The following ABCA10 variants were observed in gnomAD, a reference collection of about 807,000 sequenced individuals.
ABCA10 encodes ATP binding cassette subfamily A member 10.
A neutral mutation model predicts 187.5 loss-of-function variants in ABCA10; 169 were observed. That is an observed-to-expected ratio of 0.90 (90% confidence interval 0.80 to 1.02). ABCA10 has a LOEUF of 1.02. Ranked by LOEUF, ABCA10 falls within the 50% of genes least tolerant of loss-of-function variation. The pLI is 0.00. For missense variants in ABCA10, 1,727 were observed against 1,812.4 expected (o/e 0.95, Z 0.86); for synonymous variants, 574 against 601.8 (o/e 0.95, Z 0.68).
At chr17:69,165,119 G>A in intron 25 of ABCA10, 36 bp from the exon 26 acceptor site, 1 of 1,457,882 alleles carries the variant, frequency 6.9e-7, no homozygotes, top group Non-Finnish European at 9.5e-7. Context: ...AATTTTCTCA[G>A]TTATATTTGA....
At chr17:69,234,997 T>C (rs563959528) in intron 1 of ABCA10, 1 of 152,310 alleles carries the variant, frequency 6.6e-6, no homozygotes, top group Admixed American at 6.5e-5. Context: ...AGGAAAAAAA[T>C]TAACTAATTT....
chr17:69,238,049 C>A (rs760906010), intron 1 of ABCA10, among the ~76,000 whole-genome samples: 2 of 151,938 alleles, frequency 1.3e-5, no homozygotes, highest in Admixed American at 6.6e-5. Context: ...GTAATCCCAG[C>A]TACTCGGGAG....
In ABCA10 at chr17:69,194,494, G is replaced by A. The variant is rs371254804; in HGVS notation, c.1236C>T (p.Gly412=). Reference sequence around the variant, plus strand: ...GTCCTTCATATATGTCAAAAAATATGCCTGTTTTAGAATAAAAAGTGGAAA... The same window carrying A: ...GTCCTTCATATATGTCAAAAAATATACCTGTTTTAGAATAAAAAGTGGAAA... The part of the protein sequence containing the change: ...GKTGKVEALQ[G]IFFDIYEGQI... The change falls in exon 12 of 39, where the codon GGC becomes GGT. Residue 412 remains glycine (G), a splice_region_variant and synonymous_variant. Coordinates refer to ENST00000690296, the MANE Select transcript of ABCA10 (RefSeq NM_001377321.1). 3.0e-5 allele frequency: 47 copies of A among 1,593,204 alleles called. No homozygotes were observed. Among genetic ancestry groups the A allele is most frequent in the Non-Finnish European group, 3.9e-5 (46 of 1,168,950 alleles).
At chr17:69,201,017 AT>A (rs2074539714) in intron 10 of ABCA10, among the ~76,000 whole-genome samples, 1 of 152,186 alleles carries the variant, frequency 6.6e-6, no homozygotes, top group African/African-American at 2.4e-5. Context: ...CTGGCCATAT[AT>A]TCTTAGAAAT....
At chr17:69,153,436 T>C (rs2074146262) in intron 33 of ABCA10, 35 bp downstream of exon 33, 4 of 1,613,684 alleles carry the variant, frequency 2.5e-6, no homozygotes, top group Non-Finnish European at 3.4e-6. Flanking sequence ...CACCCAGCCA[T>C]GGGTGCACAG....
At chr17:69,189,122 T>C (rs1392761795) in intron 18 of ABCA10, among the ~76,000 whole-genome samples, 2 of 152,216 alleles carry the variant, frequency 1.3e-5, no homozygotes, top group Non-Finnish European at 2.9e-5. Context: ...CTTTCTGCAG[T>C]GGCTGAACTA....
At chr17:69,194,342 C>A in intron 12 of ABCA10, 43 bp downstream of exon 12, 1 of 1,510,192 alleles carries the variant, frequency 6.6e-7, no homozygotes, top group Non-Finnish European at 9.2e-7. Flanking sequence ...CAATTTACAA[C>A]TTGCTTTTTC....
intron 16 of ABCA10, 145 bp downstream of exon 16, chr17:69,192,418 A>T: frequency 4.8e-6 from 3 of 623,250 alleles, no homozygotes; most frequent in Non-Finnish European, 8.1e-6. Context: ...GGAAATGTTA[A>T]TGAGGAAGAC....
At chr17:69,151,928 T>G in intron 36 of ABCA10, 115 bp downstream of exon 36, 2 of 1,443,908 alleles carry the variant, frequency 1.4e-6, no homozygotes, top group Non-Finnish European at 1.9e-6. Context: ...CAGGTTGTTT[T>G]GTGATGAATA....
At chr17:69,156,993 C>A in intron 27 of ABCA10, 70 bp from the exon 28 acceptor site, 2 of 933,824 alleles carry the variant, frequency 2.1e-6, no homozygotes, top group South Asian at 2.2e-5. Flanking sequence ...AATATTTGTC[C>A]ATTTTTTTGT....
At chr17:69,175,353 A>C (rs1344424129) in intron 23 of ABCA10, 53 bp downstream of exon 23, 1 of 1,484,228 alleles carries the variant, frequency 6.7e-7, no homozygotes, top group African/African-American at 1.4e-5. Flanking sequence ...AATTGCAATT[A>C]CTACAGTCAA....
In ABCA10 at chr17:69,185,557, A is replaced by C. The variant is rs2144794489; in HGVS notation, c.2417T>G (p.Phe806Cys). The C allele has an allele frequency of 6.2e-7, 1 of 1,613,304 alleles. No homozygotes were observed. Among genetic ancestry groups the C allele is most frequent in the South Asian group, 1.1e-5 (1 of 90,996 alleles). ...AGAAAGGAAATACATACTGGGTGAA[A>C]ACTCCCAACAATGAGTTTCACGAGT... ...KVTRETHCWE[F>C]SPSMYFLSLE... is the part of the protein sequence containing the mutation. Residue 806 changes from phenylalanine (F) to cysteine (C), a missense_variant, in exon 20 of 39, where the codon TTT becomes TGT. Phe to Cys is a radical substitution (Grantham distance 205). Coordinates refer to ENST00000690296, the MANE Select transcript of ABCA10 (RefSeq NM_001377321.1).
chr17:69,192,435 A>G (rs8070232), intron 16 of ABCA10, 128 bp downstream of exon 16: 611,988 of 701,770 alleles, frequency 0.87, 267,192 homozygotes, highest in East Asian at 0.94. Flanking sequence ...AGACATTTTG[A>G]GCTGTTTATT....
chr17:69,161,943 T>C (rs1293817727), intron 27 of ABCA10, among the ~76,000 whole-genome samples: 1 of 152,220 alleles, frequency 6.6e-6, no homozygotes, highest in Non-Finnish European at 1.5e-5. Flanking sequence ...AAATAAGTCC[T>C]ATAGCAGCAG....
intron 9 of ABCA10, among the ~76,000 whole-genome samples, chr17:69,205,789 G>A (rs2074587179): frequency 6.6e-6 from 1 of 152,042 alleles, no homozygotes; most frequent in Non-Finnish European, 1.5e-5. Flanking sequence ...TGGGGCTGGG[G>A]GAATATTGGA....
At chr17:69,168,994 G>A (rs1433914984) in intron 25 of ABCA10, among the ~76,000 whole-genome samples, 2 of 152,198 alleles carry the variant, frequency 1.3e-5, no homozygotes, top group African/African-American at 4.8e-5. Context: ...TACAGAAGAA[G>A]AGGATAATAA....
chr17:69,162,883 G>T (rs1404133451), intron 27 of ABCA10, among the ~76,000 whole-genome samples: 7 of 118,280 alleles, frequency 5.9e-5, no homozygotes, highest in Admixed American at 5.2e-4. Context: ...CTGTTGCCCA[G>T]GCTGGAGTGC....
chr17:69,202,066 A>G (rs550464737), intron 9 of ABCA10, among the ~76,000 whole-genome samples: 1 of 152,314 alleles, frequency 6.6e-6, no homozygotes, highest in East Asian at 1.9e-4. Flanking sequence ...TACAGGCGTG[A>G]GCCACCGTGC....
chr17:69,155,735 C>G (rs2074168548), intron 29 of ABCA10, 70 bp downstream of exon 29: 1 of 1,505,050 alleles, frequency 6.6e-7, no homozygotes, highest in Non-Finnish European at 8.9e-7. Flanking sequence ...AAATAAAAAC[C>G]AACATCTCAT....
Sources: allele counts gnomAD v4.1 joint callset (sites outside exome capture counted in the v4.1 genomes callset), GRCh38; gene constraint gnomAD v4.1.1; transcripts MANE v1.5; gene names NCBI Gene and HGNC (gene_info 2026-07-23, HGNC 2026-07-21).